LTBP1: variants seen among roughly 807,000 people sequenced by gnomAD.
LTBP1 encodes latent-transforming growth factor beta-binding protein 1.
LTBP1 carries 129 observed loss-of-function variants against 207.6 expected under a neutral mutation model. That is an observed-to-expected ratio of 0.62 (90% CI 0.54 to 0.72). LTBP1 has a LOEUF of 0.72. Ranked by LOEUF, LTBP1 falls within the 30% of genes least tolerant of loss-of-function variation. The pLI, the probability that LTBP1 is intolerant of heterozygous loss-of-function variation, is 0.00. For synonymous variants in LTBP1, 963 were observed against 833.7 expected (o/e 1.16, Z -2.67); for missense variants, 2,281 against 2,217.2 (o/e 1.03, Z -0.58).
chr2:33,394,418 T>C (rs2095341987), intron 32 of LTBP1, among the ~76,000 whole-genome samples: 1 of 152,248 alleles, frequency 6.6e-6, no homozygotes, highest in African/African-American at 2.4e-5. Context: ...CTAGGGTTTT[T>C]ATGGTTTTAG....
chr2:32,968,591 A>G (rs775113471), intron 2 of LTBP1, among the ~76,000 whole-genome samples: 3 of 152,100 alleles, frequency 2.0e-5, no homozygotes, highest in Non-Finnish European at 4.4e-5. Flanking sequence ...CTGCCTTTTA[A>G]TGGGTGTATT....
intron 9 of LTBP1, among the ~76,000 whole-genome samples, chr2:33,234,834 A>G (rs947124723): frequency 2.6e-5 from 4 of 152,204 alleles, no homozygotes; most frequent in African/African-American, 9.6e-5. Context: ...CTACAAGGCT[A>G]CAGTAACTGT....
chr2:33,217,738 T>G, intron 8 of LTBP1, 84 bp downstream of exon 8: 1 of 958,064 alleles, frequency 1.0e-6, no homozygotes, highest in Non-Finnish European at 1.6e-6. Context: ...GAGGCAATAT[T>G]AGACTTTCAA....
chr2:33,171,917 A>G (rs2085495981), intron 5 of LTBP1, among the ~76,000 whole-genome samples: 1 of 152,312 alleles, frequency 6.6e-6, no homozygotes, highest in Admixed American at 6.5e-5. Context: ...AAGCTTCGGA[A>G]GTGAAGGAGA....
At chr2:33,251,130 C>T (rs1227918268) in intron 10 of LTBP1, among the ~76,000 whole-genome samples, 2 of 152,230 alleles carry the variant, frequency 1.3e-5, no homozygotes, top group African/African-American at 2.4e-5. Flanking sequence ...ACCTCTGCTA[C>T]TACTGGGGCT....
At chr2:33,228,808 C>T (rs1009024601) in intron 9 of LTBP1, among the ~76,000 whole-genome samples, 1 of 148,822 alleles carries the variant, frequency 6.7e-6, no homozygotes, top group African/African-American at 2.5e-5. Context: ...CAAGCGATTC[C>T]CCTGCCTCGG....
intron 7 of LTBP1, among the ~76,000 whole-genome samples, chr2:33,210,571 A>G (rs904555965): frequency 6.6e-6 from 1 of 152,180 alleles, no homozygotes; most frequent in Non-Finnish European, 1.5e-5. Flanking sequence ...TTGCTTTGAG[A>G]AAAGGAACTA....
In LTBP1 at chr2:33,122,750, G is replaced by T. The variant is rs539703666; in HGVS notation, c.1033+11999G>T. Among the ~76,000 whole-genome samples, 5 of 152,266 alleles carry T rather than the reference G, an allele frequency of 3.3e-5. No homozygotes were observed. The East Asian group carries it at 9.7e-4, about 29-fold the overall frequency. ...GGTTGCTACAAGTGCTGTGGATTCT[G>T]AACATCTTTTCAGTTACTGAACTGT... On this transcript the variant is annotated intron_variant, in intron 4 of 33. Transcript: ENST00000404816.
intron 15 of LTBP1, among the ~76,000 whole-genome samples, chr2:33,271,355 G>GA (rs2093317366): frequency 6.6e-6 from 1 of 151,712 alleles, no homozygotes; most frequent in Non-Finnish European, 1.5e-5. Context: ...AAATGTCAGA[G>GA]ATGAGTATAA....
At chr2:33,087,008 G>C (rs2078796079) in intron 3 of LTBP1, among the ~76,000 whole-genome samples, 1 of 149,106 alleles carries the variant, frequency 6.7e-6, no homozygotes, top group South Asian at 2.2e-4. Flanking sequence ...ATTATTCTTA[G>C]AGTCTTCTTT....
chr2:33,222,032 A>G (rs772650473), intron 8 of LTBP1, 48 bp from the exon 9 acceptor site: 1 of 1,387,894 alleles, frequency 7.2e-7, no homozygotes, highest in Non-Finnish European at 1.0e-6. Flanking sequence ...ACACTAGTCT[A>G]AGATTGTAAG....
rs960785171 is a variant in LTBP1, at chr2:33,057,414, C to T, written c.863+36208C>T. On this transcript the variant is annotated intron_variant, in intron 3 of 33. Coordinates refer to ENST00000404816, the MANE Select transcript of LTBP1 (RefSeq NM_206943.4). ...CAGGTCGAGCTGCCTGCCAGTCCCG[C>T]GCCATGCGCCTGCACTCCTCAGCCC... 7.9e-5 allele frequency among the ~76,000 whole-genome samples: 12 copies of T among 152,358 alleles called. No individual in the cohort carries two copies. The South Asian group carries it at 1.7e-3, about 21-fold the overall frequency.
intron 6 of LTBP1, among the ~76,000 whole-genome samples, chr2:33,187,463 C>G (rs1211718814): frequency 6.6e-6 from 1 of 151,970 alleles, no homozygotes; most frequent in African/African-American, 2.4e-5. Flanking sequence ...TGCTGGTGAA[C>G]TTCACAATTG....
At chr2:33,199,696 C>T (rs1490947354) in intron 7 of LTBP1, among the ~76,000 whole-genome samples, 1 of 152,192 alleles carries the variant, frequency 6.6e-6, no homozygotes, top group Non-Finnish European at 1.5e-5. Context: ...TCCCTGTTGG[C>T]AGATGACATG....
intron 2 of LTBP1, among the ~76,000 whole-genome samples, chr2:32,990,738 T>A (rs1180053528): frequency 6.6e-6 from 1 of 152,198 alleles, no homozygotes; most frequent in Non-Finnish European, 1.5e-5. Flanking sequence ...AAGTTATATG[T>A]GTCATTAGTA....
chr2:33,189,980 T>TCATA (rs1444069693), intron 7 of LTBP1, among the ~76,000 whole-genome samples: 2 of 152,018 alleles, frequency 1.3e-5, no homozygotes, highest in African/African-American at 4.8e-5. Flanking sequence ...TGAGTCAAGA[T>TCATA]CATACCACTG....
chr2:33,363,058 A>G (rs2094944610), intron 28 of LTBP1, among the ~76,000 whole-genome samples: 1 of 152,220 alleles, frequency 6.6e-6, no homozygotes, highest in Non-Finnish European at 1.5e-5. Context: ...ATTTCTTAAA[A>G]GGTATATATC....
chr2:33,025,225 C>T (rs1374497131), intron 3 of LTBP1, among the ~76,000 whole-genome samples: 2 of 152,164 alleles, frequency 1.3e-5, no homozygotes, highest in East Asian at 3.8e-4. Context: ...AGTCCTCACT[C>T]AGAGGGGGTA....
At chr2:33,078,862 CT>C (rs34843933) in intron 3 of LTBP1, among the ~76,000 whole-genome samples, 8 of 106,892 alleles carry the variant, frequency 7.5e-5, no homozygotes, top group South Asian at 3.6e-4. Context: ...CTTTTCTTTT[CT>C]TTTTTTTTTT....
Sources: allele counts gnomAD v4.1 joint callset (sites outside exome capture counted in the v4.1 genomes callset), GRCh38; gene constraint gnomAD v4.1.1; transcripts MANE v1.5; gene names NCBI Gene and HGNC (gene_info 2026-07-23, HGNC 2026-07-21).